The following WDR72 variants were observed in gnomAD, a reference collection of about 807,000 sequenced individuals.
WDR72 encodes WD repeat domain 72.
Under a neutral mutation model 124.2 loss-of-function variants are expected in WDR72, and 120 were observed. The ratio of observed to expected loss-of-function variants is 0.97; its 90% CI spans 0.83 to 1.12. The LOEUF (loss-of-function observed/expected upper bound fraction) is 1.12, where lower values mean the gene tolerates loss of function less well. WDR72 is among the 50% of genes most tolerant of loss of function. The probability of loss-of-function intolerance (pLI) is 0.00; values close to 1 mark genes in which losing one functional copy is unlikely to be tolerated. For synonymous variants in WDR72, 452 were observed against 441.7 expected (o/e 1.02, Z -0.29); for missense variants, 1,387 against 1,278.8 (o/e 1.08, Z -1.29).
At chr15:53,633,881 G>A (rs901297042) in intron 14 of WDR72, among the ~76,000 whole-genome samples, 1 of 151,928 alleles carries the variant, frequency 6.6e-6, no homozygotes, top group African/African-American at 2.4e-5. Flanking sequence ...AAACACAAAC[G>A]CCCAATATGA....
chr15:53,555,108 A>G (rs1439688305), intron 18 of WDR72, among the ~76,000 whole-genome samples: 1 of 152,038 alleles, frequency 6.6e-6, no homozygotes, highest in African/African-American at 2.4e-5. Flanking sequence ...TTAATGATTC[A>G]TCTGAGATGG....
Position 53,630,073 on chromosome 15 carries a change from A to G in WDR72, c.1963-13830T>C, listed in dbSNP as rs955364326. On this transcript the variant is annotated intron_variant, in intron 14 of 19. Coordinates refer to ENST00000360509, the MANE Select transcript of WDR72 (RefSeq NM_182758.4). ...AAAAGTTTTTAAAAAGATCTCAGAG[A>G]AATACTATGAATCTGCCAGCAAATT... is the stretch of plus-strand genomic sequence containing the variant. 4.7e-5 allele frequency among the ~76,000 whole-genome samples: 6 copies of G among 126,506 alleles called. No individual in the cohort carries two copies. The East Asian group carries it at 1.4e-3, about 30-fold the overall frequency. The allele number at this position is 126,506 out of a possible 152,430, so 83.0% of individuals were successfully genotyped here.
intron 18 of WDR72, 68 bp downstream of exon 18, chr15:53,597,011 A>G (rs1389697858): frequency 2.5e-5 from 37 of 1,486,170 alleles, no homozygotes; most frequent in Admixed American, 5.0e-5. Flanking sequence ...TTGCACCACC[A>G]TAAGTTGGAG....
intron 18 of WDR72, among the ~76,000 whole-genome samples, chr15:53,574,172 GACAATTAAA>G (rs1350583282): frequency 6.6e-6 from 1 of 152,104 alleles, no homozygotes; most frequent in African/African-American, 2.4e-5. Flanking sequence ...CATTTTAAGT[GACAATTAAA>G]AATCCAAACG....
At chr15:53,744,582 T>A (rs527774010) in intron 1 of WDR72, among the ~76,000 whole-genome samples, 1 of 152,204 alleles carries the variant, frequency 6.6e-6, no homozygotes, top group Non-Finnish European at 1.5e-5. Flanking sequence ...TCCTAAACCA[T>A]AGGGCCTCTC....
chr15:53,706,350 G>GTATATA (rs56246540), intron 9 of WDR72, among the ~76,000 whole-genome samples: 24 of 25,698 alleles, frequency 9.3e-4, no homozygotes, highest in African/African-American at 1.6e-3. Flanking sequence ...GTGTGTGTGT[G>GTATATA]TATATATATA....
intron 18 of WDR72, among the ~76,000 whole-genome samples, chr15:53,585,720 G>A (rs1317895871): frequency 2.0e-5 from 3 of 151,922 alleles, no homozygotes; most frequent in Non-Finnish European, 4.4e-5. Flanking sequence ...AGGTCAATAT[G>A]GGCCAGAAAT....
intron 6 of WDR72, among the ~76,000 whole-genome samples, chr15:53,713,428 A>G (rs200736977): frequency 2.3e-3 from 230 of 98,302 alleles, no homozygotes; most frequent in East Asian, 4.6e-3. Context: ...ATTTTATTTT[A>G]TTTTATTTTA....
intron 8 of WDR72, 74 bp from the exon 9 acceptor site, chr15:53,711,027 T>C: frequency 7.8e-7 from 1 of 1,278,756 alleles, no homozygotes; most frequent in Non-Finnish European, 1.1e-6. Context: ...CCTCCCACTT[T>C]CAAAAGCCGG....
intron 9 of WDR72, among the ~76,000 whole-genome samples, chr15:53,708,743 G>A (rs1311837020): frequency 6.6e-6 from 1 of 151,950 alleles, no homozygotes; most frequent in Non-Finnish European, 1.5e-5. Context: ...TTTTTTATTT[G>A]CAATTCTTAG....
chr15:53,523,720 T>C (rs920810888), intron 18 of WDR72, among the ~76,000 whole-genome samples: 2 of 152,056 alleles, frequency 1.3e-5, no homozygotes, highest in African/African-American at 2.4e-5. Flanking sequence ...CTGGTGGCAA[T>C]GTTTCCTCTC....
chr15:53,546,265 A>G (rs1893452374), intron 18 of WDR72, among the ~76,000 whole-genome samples: 1 of 152,116 alleles, frequency 6.6e-6, no homozygotes, highest in Admixed American at 6.5e-5. Context: ...GAACCAACCC[A>G]GATGTCCAAC....
intron 18 of WDR72, among the ~76,000 whole-genome samples, chr15:53,580,642 T>G (rs540828922): frequency 7.2e-5 from 11 of 152,086 alleles, no homozygotes; most frequent in Non-Finnish European, 1.3e-4. Flanking sequence ...ATGACACAGT[T>G]TGTGATTTGT....
chr15:53,666,062 T>A (rs780134833), intron 13 of WDR72, among the ~76,000 whole-genome samples: 3 of 152,220 alleles, frequency 2.0e-5, no homozygotes, highest in Non-Finnish European at 4.4e-5. Context: ...ATTATACAGT[T>A]GCAAGTGATC....
At chr15:53,681,863 CTG>C (rs1048110000) in intron 13 of WDR72, among the ~76,000 whole-genome samples, 18 of 151,244 alleles carry the variant, frequency 1.2e-4, no homozygotes, top group African/African-American at 1.7e-4. Context: ...CCACAAATAC[CTG>C]TGTGTGTGTC....
At chr15:53,586,758 G>C (rs974998517) in intron 18 of WDR72, among the ~76,000 whole-genome samples, 17 of 152,030 alleles carry the variant, frequency 1.1e-4, no homozygotes. Flanking sequence ...TAATGGTGGA[G>C]ACAGAATGGC....
upstream of WDR72, chr15:53,759,727 C>G (rs1402961472): frequency 6.6e-6 from 1 of 151,220 alleles, no homozygotes; most frequent in African/African-American, 2.4e-5. Context: ...CTCGCCCCGC[C>G]CCGCCCCGCC....
chr15:53,581,526 T>C (rs2011926087), intron 18 of WDR72, among the ~76,000 whole-genome samples: 1 of 152,088 alleles, frequency 6.6e-6, no homozygotes. Flanking sequence ...ATGAATCTAG[T>C]CATTGGTAAA....
chr15:53,640,014 A>G (rs886103894), intron 14 of WDR72, among the ~76,000 whole-genome samples: 2 of 152,184 alleles, frequency 1.3e-5, no homozygotes, highest in Non-Finnish European at 2.9e-5. Flanking sequence ...TAACTATTCA[A>G]TGCTGAAATA....
Sources: allele counts gnomAD v4.1 joint callset (sites outside exome capture counted in the v4.1 genomes callset), GRCh38; gene constraint gnomAD v4.1.1; transcripts MANE v1.5; gene names NCBI Gene and HGNC (gene_info 2026-07-23, HGNC 2026-07-21).